MED9: variants seen among roughly 807,000 people sequenced by gnomAD.
The protein encoded by MED9 is mediator of RNA polymerase II transcription subunit 9.
In MED9, 8 loss-of-function variants were observed where a neutral mutation model predicts 13.2. That is an observed-to-expected ratio of 0.61 (90% CI 0.36 to 1.10). The LOEUF is 1.10. MED9 is among the 50% of genes least tolerant of loss of function. The probability of loss-of-function intolerance (pLI) is 0.02; values close to 1 mark genes in which losing one functional copy is unlikely to be tolerated. For missense variants in MED9, 180 were observed against 193.4 expected, an observed-to-expected ratio of 0.93 and a Z score of 0.41; for synonymous variants, 87 against 82.8, an observed-to-expected ratio of 1.05 and a Z score of -0.28.
rs1379921933 is a variant in MED9 at position 17,491,637 on chromosome 17, C to T, written c.*142C>T. On this transcript the variant is annotated 3_prime_UTR_variant, in exon 2 of 2. Coordinates refer to ENST00000268711, the MANE Select transcript of MED9 (RefSeq NM_018019.3). ...CAGGGGCGGGGCTCCTGTGCTGCTG[C>T]GCGCGCTTCGCCTGTGCGGGAGCCA... is the stretch of plus-strand genomic sequence containing the variant. 4.6e-5 allele frequency: 37 copies of T among 812,176 alleles called. No homozygotes were observed. The highest frequency in any genetic ancestry group is 4.5e-4 in the East Asian group (17 of 37,608). The allele number at this position is 812,176 out of a possible 1,614,324, so 50.3% of individuals were successfully genotyped here. A position where few individuals can be genotyped will look rare whatever the true frequency, so the allele number is the denominator to read the frequency against.
At chr17:17,485,563 G>C (rs566977424) in intron 1 of MED9, 1 of 380,036 alleles carries the variant, frequency 2.6e-6, no homozygotes, top group African/African-American at 2.1e-5. Flanking sequence ...GGGCACACAG[G>C]TGCAAGCCTG....
At chr17:17,485,049 A>AGTGT (rs1905102153) in intron 1 of MED9, 1 of 254,734 alleles carries the variant, frequency 3.9e-6, no homozygotes, top group Admixed American at 5.5e-5. Context: ...TCTGTCGCCC[A>AGTGT]GGCTGGAGTA....
intron 1 of MED9, chr17:17,486,058 G>GTT (rs66759916): frequency 7.8e-4 from 116 of 149,572 alleles, no homozygotes; most frequent in Non-Finnish European, 7.6e-4. Context: ...CATCAGTACA[G>GTT]TTTTTTTTTT....
intron 1 of MED9, 196 bp downstream of exon 1, chr17:17,477,461 G>T: frequency 1.7e-6 from 1 of 588,536 alleles, no homozygotes; most frequent in Non-Finnish European, 2.9e-6. Context: ...TTTGAGCCTC[G>T]AGAGGTGCGA....
intron 1 of MED9, among the ~76,000 whole-genome samples, chr17:17,480,966 C>T (rs750427678): frequency 1.3e-5 from 2 of 152,102 alleles, no homozygotes; most frequent in African/African-American, 2.4e-5. Flanking sequence ...GAAAGGGAGG[C>T]AGGAGGAATG....
chr17:17,484,989 C>A (rs975379304), intron 1 of MED9: 1 of 159,188 alleles, frequency 6.3e-6, no homozygotes, highest in Non-Finnish European at 1.4e-5. Context: ...GGGTAGGAGG[C>A]CATCTGGAAT....
chr17:17,477,387 A>C lies in MED9; in HGVS notation c.224+122A>C, dbSNP rs944209165. On this transcript the variant is annotated intron_variant, in intron 1 of 1. Transcript: ENST00000268711. The stretch of plus-strand genomic sequence containing the variant: ...CCCCGTTTCACAGATGGGGAAACTC[A>C]GACCCAGAGCGGGAAGAGGCCTTTC... 3.5e-6 allele frequency: 4 copies of C among 1,141,310 alleles called. No homozygotes were observed. The African/African-American group carries it at 4.7e-5, about 13-fold the overall frequency. 70.7% of individuals were successfully genotyped at this position (1,141,310 alleles called of 1,614,324 possible). A position where few individuals can be genotyped will look rare whatever the true frequency, so the allele number is the denominator to read the frequency against.
At chr17:17,480,767 G>A (rs1905020104) in intron 1 of MED9, among the ~76,000 whole-genome samples, 1 of 152,190 alleles carries the variant, frequency 6.6e-6, no homozygotes. Flanking sequence ...GAATGGAGTG[G>A]TTCTGCAGCT....
At position 17,491,333 on chromosome 17, in the gene MED9, G is replaced by C. The variant is rs1044945127; in HGVS notation, c.279G>C (p.Lys93Asn). The change falls in exon 2 of 2, where the codon AAG becomes AAC. Residue 93 changes from lysine (K) to asparagine (N), a missense_variant. Transcript: ENST00000268711. ...VHQDLNALKS[K>N]FQEMRKLIST... ...AGGACCTGAACGCCCTCAAAAGCAA[G>C]TTCCAGGAGATGCGCAAGCTCATCA... 1 of 1,613,902 alleles carries C rather than the reference G, an allele frequency of 6.2e-7. No individual in the cohort carries two copies.
chr17:17,482,502 G>A (rs1007433034), intron 1 of MED9, among the ~76,000 whole-genome samples: 4 of 152,220 alleles, frequency 2.6e-5, no homozygotes, highest in East Asian at 1.9e-4. Flanking sequence ...TTTATGTACA[G>A]AAAGGAAATA....
intron 1 of MED9, among the ~76,000 whole-genome samples, chr17:17,489,849 C>T (rs1464072068): frequency 1.3e-5 from 2 of 152,196 alleles, no homozygotes; most frequent in African/African-American, 2.4e-5. Flanking sequence ...ACTGAGCTGG[C>T]CATGGTGGCC....
chr17:17,490,467 A>G (rs1905209351), intron 1 of MED9, among the ~76,000 whole-genome samples: 1 of 152,198 alleles, frequency 6.6e-6, no homozygotes, highest in African/African-American at 2.4e-5. Flanking sequence ...GTACAGGAGC[A>G]ACTGCCAGGC....
Position 17,491,675 on chromosome 17 carries a change from G to T in MED9, c.*180G>T. 1 of 619,962 alleles carries T rather than the reference G, an allele frequency of 1.6e-6. No individual in the cohort carries two copies. Among genetic ancestry groups the T allele is most frequent in the South Asian group, 1.9e-5 (1 of 51,290 alleles). 38.4% of individuals were successfully genotyped at this position (619,962 alleles called of 1,614,324 possible). On this transcript the variant is annotated 3_prime_UTR_variant, in exon 2 of 2. Transcript: ENST00000268711. ...TGTGCGGGAGCCAGCGCAGAGCTTGGCTGCGCCGGGGGTTCCTCGTGTAGA... is the reference window on the plus strand; with the variant it reads ...TGTGCGGGAGCCAGCGCAGAGCTTGTCTGCGCCGGGGGTTCCTCGTGTAGA...
At chr17:17,481,972 A>C (rs1905040184) in intron 1 of MED9, among the ~76,000 whole-genome samples, 1 of 152,252 alleles carries the variant, frequency 6.6e-6, no homozygotes, top group Admixed American at 6.5e-5. Flanking sequence ...CCCAGAAAGC[A>C]TTAAACAAAA....
At chr17:17,485,067 G>A (rs997069028) in intron 1 of MED9, 103 of 275,362 alleles carry the variant, frequency 3.7e-4, no homozygotes, top group Middle Eastern at 1.0e-3. Context: ...GTACAGTGGC[G>A]TGTCTTGGCT....
At chr17:17,489,675 T>A (rs1905196493) in intron 1 of MED9, among the ~76,000 whole-genome samples, 2 of 152,206 alleles carry the variant, frequency 1.3e-5, no homozygotes, top group African/African-American at 4.8e-5. Context: ...TTCCAAAGGA[T>A]TTTTAGTTCT....
intron 1 of MED9, chr17:17,485,601 G>A: frequency 2.9e-6 from 1 of 348,884 alleles, no homozygotes; most frequent in Non-Finnish European, 5.1e-6. Flanking sequence ...AGTAGAGTGT[G>A]TAGGTGGGAC....
intron 1 of MED9, among the ~76,000 whole-genome samples, chr17:17,482,731 C>CT: frequency 6.6e-6 from 1 of 152,074 alleles, no homozygotes; most frequent in African/African-American, 2.4e-5. Context: ...TTTTCTAGAA[C>CT]TTTCATGGTT....
At chr17:17,477,357 C>T in intron 1 of MED9, 92 bp downstream of exon 1, 1 of 1,371,336 alleles carries the variant, frequency 7.3e-7, no homozygotes, top group East Asian at 2.4e-5. Context: ...CGCTCTGGGG[C>T]ACGCCCCCGT....
Sources: allele counts gnomAD v4.1 joint callset (sites outside exome capture counted in the v4.1 genomes callset), GRCh38; gene constraint gnomAD v4.1.1; transcripts MANE v1.5; gene names NCBI Gene and HGNC (gene_info 2026-07-23, HGNC 2026-07-21).